OR2T12: variants seen among roughly 807,000 people sequenced by gnomAD.
OR2T12 encodes olfactory receptor 2T12.
For missense variants in OR2T12, 335 were observed against 404.3 expected (o/e 0.83, Z 1.47); for synonymous variants, 127 against 160.5 (o/e 0.79, Z 1.58).
At chr1:248,298,536 A>T (rs1299411714) in intron 2 of OR2T12, among the ~76,000 whole-genome samples, 1 of 151,478 alleles carries the variant, frequency 6.6e-6, no homozygotes, top group Non-Finnish European at 1.5e-5. Context: ...AGCTCCTGTT[A>T]TTGGTCTATT....
At position 248,294,607 on chromosome 1, in the gene OR2T12, G is replaced by A. The variant is rs983326728; in HGVS notation, c.*9C>T. 10 of 1,611,324 alleles carry A rather than the reference G, an allele frequency of 6.2e-6. No homozygotes were observed. Among genetic ancestry groups the A allele is most frequent in the Non-Finnish European group, 8.5e-6 (10 of 1,178,716 alleles). ...TAAATTCAGGAACTTAGACTCATCT[G>A]ACACTAGATCATCTTGACCTGTGGG... On this transcript the variant is annotated 3_prime_UTR_variant, in exon 3 of 3. Transcript: ENST00000641276.
At position 248,291,308 on chromosome 1, in the gene OR2T12, G is replaced by A. The variant is rs1558275172; in HGVS notation, c.*3308C>T. 1 of 147,340 alleles carries A rather than the reference G, an allele frequency of 6.8e-6. No individual in the cohort carries two copies. The highest frequency in any genetic ancestry group is 1.5e-5 in the Non-Finnish European group (1 of 67,966). The allele number at this position is 147,340 out of a possible 1,614,324, so 9.1% of individuals were successfully genotyped here. ...TTCCCATACACCAATAATAGACAGA[G>A]AGCCAAATCATGAGTGAATTCCCAT... is the stretch of plus-strand genomic sequence containing the variant. On this transcript the variant is annotated 3_prime_UTR_variant, in exon 3 of 3. Transcript: ENST00000641276.
Position 248,291,766 on chromosome 1 carries a change from G to A in OR2T12, c.*2850C>T, listed in dbSNP as rs1659636865. 6.6e-6 allele frequency: 1 copy of A among 151,844 alleles called. No individual in the cohort carries two copies. The highest frequency in any genetic ancestry group is 1.5e-5 in the Non-Finnish European group (1 of 67,954). The allele number at this position is 151,844 out of a possible 1,614,324, so 9.4% of individuals were successfully genotyped here. A position where few individuals can be genotyped will look rare whatever the true frequency, so the allele number is the denominator to read the frequency against. On this transcript the variant is annotated 3_prime_UTR_variant, in exon 3 of 3. Transcript: ENST00000641276. ...TATATAGACCAATAAACAGAACAGA[G>A]GCCTCAGAATTCATGCCATACAACC...
chr1:248,301,347 A>T (rs1659808869), intron 2 of OR2T12, 26 bp downstream of exon 2: 1 of 152,126 alleles, frequency 6.6e-6, no homozygotes, highest in African/African-American at 2.4e-5. Flanking sequence ...TAAGTAAGTA[A>T]GATACATATG....
At chr1:248,295,944 G>A (rs574400873) in intron 2 of OR2T12, among the ~76,000 whole-genome samples, 5 of 151,916 alleles carry the variant, frequency 3.3e-5, no homozygotes, top group South Asian at 2.1e-4. Context: ...ATGCTGGTGC[G>A]CTGCACCCAC....
At chr1:248,295,746 G>C in intron 2 of OR2T12, 160 bp from the exon 3 acceptor site, 1 of 883,660 alleles carries the variant, frequency 1.1e-6, no homozygotes, top group Non-Finnish European at 1.7e-6. Flanking sequence ...TCCTGACCTG[G>C]CATTCACTTC....
At position 248,295,002 on chromosome 1, in the gene OR2T12, A is replaced by T. The variant is rs766387269; in HGVS notation, c.577T>A (p.Phe193Ile). The T allele has an allele frequency of 2.5e-6, 4 of 1,611,084 alleles. No individual in the cohort carries two copies. The highest frequency in any genetic ancestry group is 3.4e-6 in the Non-Finnish European group (4 of 1,179,696). The part of the protein sequence containing the change: ...VRLACADTSV[F>I]ENAMYICCVL... ...CAGCAGATGTACATGGCGTTTTCGA[A>T]GACTGAAGTGTCAGCACAAGCCAAA... Residue 193 changes from phenylalanine (F) to isoleucine (I), a missense_variant, in exon 3 of 3, where the codon TTC becomes ATC. By Grantham distance (21) the Phe-to-Ile change is conservative (BLOSUM62 0). Transcript: ENST00000641276.
At chr1:248,302,676 C>A (rs1217399876) in intron 1 of OR2T12, among the ~76,000 whole-genome samples, 1 of 152,024 alleles carries the variant, frequency 6.6e-6, no homozygotes, top group Non-Finnish European at 1.5e-5. Flanking sequence ...TGCTTGGGAC[C>A]AGATGTGTTG....
At position 248,294,357 on chromosome 1, in the gene OR2T12, C is replaced by T; in HGVS notation, c.*259G>A. The T allele has an allele frequency of 5.7e-6, 2 of 349,070 alleles. No individual in the cohort carries two copies. Among genetic ancestry groups the T allele is most frequent in the Admixed American group, 4.4e-5 (1 of 22,588 alleles). 21.6% of individuals were successfully genotyped at this position (349,070 alleles called of 1,614,324 possible). A position where few individuals can be genotyped will look rare whatever the true frequency, so the allele number is the denominator to read the frequency against. Reference sequence around the variant, plus strand: ...ACACCTTTTAAAGATTTGGAGTTTGCAAAAGAAAAAAAGAAAACTTATATC... The same window carrying T: ...ACACCTTTTAAAGATTTGGAGTTTGTAAAAGAAAAAAAGAAAACTTATATC... On this transcript the variant is annotated 3_prime_UTR_variant, in exon 3 of 3. Coordinates refer to ENST00000641276, the MANE Select transcript of OR2T12 (RefSeq NM_001004692.2).
intron 1 of OR2T12, among the ~76,000 whole-genome samples, chr1:248,302,706 C>G (rs1659826638): frequency 6.6e-6 from 1 of 152,062 alleles, no homozygotes; most frequent in Admixed American, 6.6e-5. Flanking sequence ...GATTTTTTAA[C>G]ACTTTGAAAT....
At chr1:248,297,507 G>C (rs1454596732) in intron 2 of OR2T12, among the ~76,000 whole-genome samples, 8 of 152,008 alleles carry the variant, frequency 5.3e-5, no homozygotes, top group African/African-American at 1.9e-4. Flanking sequence ...TCTTCCATTT[G>C]TTTGTAACCT....
rs1572829261 is a variant in OR2T12 at position 248,293,973 on chromosome 1, T to C, written c.*643A>G. 6.6e-6 allele frequency: 1 copy of C among 152,172 alleles called. No individual in the cohort carries two copies. The highest frequency in any genetic ancestry group is 6.5e-5 in the Admixed American group (1 of 15,270). The allele number at this position is 152,172 out of a possible 1,614,324, so 9.4% of individuals were successfully genotyped here. A position where few individuals can be genotyped will look rare whatever the true frequency, so the allele number is the denominator to read the frequency against. On this transcript the variant is annotated 3_prime_UTR_variant, in exon 3 of 3. Coordinates refer to ENST00000641276, the MANE Select transcript of OR2T12 (RefSeq NM_001004692.2). ...ATATAGCAGTTACATTTGAGTTGTG[T>C]ACTTCCCCTTTTGTCATGCATCTAT... is the stretch of plus-strand genomic sequence containing the variant.
chr1:248,300,692 T>G (rs891000501), intron 2 of OR2T12, among the ~76,000 whole-genome samples: 1 of 152,144 alleles, frequency 6.6e-6, no homozygotes, highest in Admixed American at 6.5e-5. Flanking sequence ...CTGGATCTTG[T>G]CAACTGTTGT....
chr1:248,302,258 A>T (rs2103040301), intron 1 of OR2T12, among the ~76,000 whole-genome samples: 1 of 152,286 alleles, frequency 6.6e-6, no homozygotes, highest in South Asian at 2.1e-4. Flanking sequence ...TATGCACTAA[A>T]AATGGAATTT....
rs751092647 is a variant in OR2T12 at position 248,294,940 on chromosome 1, C to A, written c.639G>T (p.Leu213=). 6.2e-7 allele frequency: 1 copy of A among 1,611,632 alleles called. No individual in the cohort carries two copies. Among genetic ancestry groups the A allele is most frequent in the African/African-American group, 1.3e-5 (1 of 74,726 alleles). The change falls in exon 3 of 3, where the codon CTG becomes CTT. Residue 213 remains leucine (L), a synonymous_variant. Coordinates refer to ENST00000641276, the MANE Select transcript of OR2T12 (RefSeq NM_001004692.2). ...LMLLVPFSLI[L]SSYGLILAAV... is the part of the protein sequence containing the mutation. ...CAGCGAGGATGAGACCATAGGAGGA[C>A]AGGATGAGGGAAAAGGGGACCAGGA...
Position 248,294,781 on chromosome 1 carries a change from A to T in OR2T12, c.798T>A (p.Thr266=), listed in dbSNP as rs1269200433. 5 of 1,613,868 alleles carry T rather than the reference A, an allele frequency of 3.1e-6. No homozygotes were observed. Among genetic ancestry groups the T allele is most frequent in the Non-Finnish European group, 2.5e-6 (3 of 1,179,926 alleles). Residue 266 remains threonine (T), a synonymous_variant, in exon 3 of 3, where the codon ACT becomes ACA. Coordinates refer to ENST00000641276, the MANE Select transcript of OR2T12 (RefSeq NM_001004692.2). ...AGGCTGACACAACCTTATCGTGGTT[A>T]GTGGACCTGTGGGATTTGGGTCTCA... ...TYMRPKSHRS[T]NHDKVVSAFY... is the part of the protein sequence containing the mutation.
At chr1:248,295,638 C>A in intron 2 of OR2T12, 52 bp from the exon 3 acceptor site, 5 of 1,529,810 alleles carry the variant, frequency 3.3e-6, no homozygotes, top group South Asian at 2.6e-5. Context: ...CTTTTATGGT[C>A]TGAATAACTG....
intron 2 of OR2T12, among the ~76,000 whole-genome samples, chr1:248,299,511 T>C (rs1353477291): frequency 1.3e-5 from 2 of 152,080 alleles, no homozygotes; most frequent in African/African-American, 4.8e-5. Context: ...ATGCACCCAA[T>C]ACAGGAGCAT....
chr1:248,294,293 G>C lies in OR2T12; in HGVS notation c.*323C>G, dbSNP rs1659677831. The C allele has an allele frequency of 4.5e-6, 1 of 221,710 alleles. No individual in the cohort carries two copies. The highest frequency in any genetic ancestry group is 8.9e-6 in the Non-Finnish European group (1 of 112,270). The allele number at this position is 221,710 out of a possible 1,614,324, so 13.7% of individuals were successfully genotyped here. ...ATTGGGTTACCTTACTTCTCCCAAG[G>C]CATAGGTAAGTAGAGATATTTTTGA... On this transcript the variant is annotated 3_prime_UTR_variant, in exon 3 of 3. Coordinates refer to ENST00000641276, the MANE Select transcript of OR2T12 (RefSeq NM_001004692.2).
Sources: allele counts gnomAD v4.1 joint callset (sites outside exome capture counted in the v4.1 genomes callset), GRCh38; gene constraint gnomAD v4.1.1; transcripts MANE v1.5; gene names NCBI Gene and HGNC (gene_info 2026-07-23, HGNC 2026-07-21).